NDFIP1: variants seen among roughly 807,000 people sequenced by gnomAD.
The protein encoded by NDFIP1 is Nedd4 family interacting protein 1.
In NDFIP1, 7 loss-of-function variants were observed where a neutral mutation model predicts 28.8. The ratio of observed to expected loss-of-function variants is 0.24; its 90% CI spans 0.14 to 0.46. The LOEUF is 0.46. Ranked by LOEUF, NDFIP1 falls within the 20% of genes least tolerant of loss-of-function variation. NDFIP1 has a pLI of 0.99. For missense variants in NDFIP1, 194 were observed against 269.1 expected, an observed-to-expected ratio of 0.72 and a Z score of 1.95; for synonymous variants, 92 against 101.0, an observed-to-expected ratio of 0.91 and a Z score of 0.53.
At chr5:142,145,886 A>C (rs2126923494) in intron 7 of NDFIP1, among the ~76,000 whole-genome samples, 1 of 152,284 alleles carries the variant, frequency 6.6e-6, no homozygotes, top group East Asian at 1.9e-4. Flanking sequence ...TTATATAGGC[A>C]ATCATATACT....
intron 4 of NDFIP1, among the ~76,000 whole-genome samples, chr5:142,136,088 G>A (rs760442164): frequency 3.9e-5 from 6 of 152,126 alleles, no homozygotes; most frequent in Admixed American, 6.5e-5. Flanking sequence ...TCATCTTCCA[G>A]GTCTACGGGG....
At chr5:142,150,233 T>C (rs186625727) in intron 7 of NDFIP1, among the ~76,000 whole-genome samples, 6 of 151,674 alleles carry the variant, frequency 4.0e-5, no homozygotes, top group Non-Finnish European at 7.4e-5. Context: ...ATTATTTATG[T>C]TTATAATGAG....
intron 1 of NDFIP1, among the ~76,000 whole-genome samples, chr5:142,129,369 G>A (rs564873607): frequency 6.6e-6 from 1 of 152,214 alleles, no homozygotes; most frequent in East Asian, 1.9e-4. Context: ...GGAGCATTTG[G>A]CTTTACTGCA....
intron 4 of NDFIP1, 53 bp from the exon 5 acceptor site, chr5:142,137,681 G>T (rs1757290213): frequency 2.5e-6 from 4 of 1,602,272 alleles, no homozygotes; most frequent in Non-Finnish European, 2.6e-6. Flanking sequence ...AGGCACTCTT[G>T]TTCTTGGGTA....
At chr5:142,110,068 C>T (rs1756997539) in intron 1 of NDFIP1, among the ~76,000 whole-genome samples, 1 of 150,344 alleles carries the variant, frequency 6.7e-6, no homozygotes, top group South Asian at 2.1e-4. Context: ...TAAGGAAAGC[C>T]AGCCAGTACG....
At chr5:142,109,835 C>G (rs2126907716) in intron 1 of NDFIP1, among the ~76,000 whole-genome samples, 1 of 152,214 alleles carries the variant, frequency 6.6e-6, no homozygotes, top group South Asian at 2.1e-4. Context: ...GCTAAGTTCC[C>G]CCAGGAAATT....
At chr5:142,130,951 G>T (rs1025640661) in intron 1 of NDFIP1, among the ~76,000 whole-genome samples, 3 of 151,456 alleles carry the variant, frequency 2.0e-5, no homozygotes, top group African/African-American at 7.3e-5. Flanking sequence ...TTTGAGTAAT[G>T]AAATTTAATT....
At chr5:142,135,667 A>G in intron 3 of NDFIP1, 63 bp from the exon 4 acceptor site, 1 of 1,431,860 alleles carries the variant, frequency 7.0e-7, no homozygotes, top group Non-Finnish European at 9.8e-7. Flanking sequence ...ACTCAAATTT[A>G]ACCCTTCATT....
chr5:142,152,705 T>C lies in NDFIP1; in HGVS notation c.*977T>C, dbSNP rs1402191830. On this transcript the variant is annotated 3_prime_UTR_variant, in exon 8 of 8. Transcript: ENST00000253814. Reference sequence around the variant, plus strand: ...AATGATGTGCTTTCTGCCCAAGTGGTAATTCATCTTGGTTTGCTATGTTAA... The same window carrying C: ...AATGATGTGCTTTCTGCCCAAGTGGCAATTCATCTTGGTTTGCTATGTTAA... 6.4e-6 allele frequency: 1 copy of C among 156,906 alleles called. No homozygotes were observed. The highest frequency in any genetic ancestry group is 1.4e-5 in the Non-Finnish European group (1 of 70,926). The allele number at this position is 156,906 out of a possible 1,614,324, so 9.7% of individuals were successfully genotyped here.
rs6862280 is a variant in NDFIP1, at chr5:142,108,913, A to T, written c.-62A>T. 1,114 of 1,338,540 alleles carry T rather than the reference A, an allele frequency of 8.3e-4. 7 individuals carry two copies. In the African/African-American group the frequency reaches 0.015, roughly 18 times the overall value. The allele number at this position is 1,338,540 out of a possible 1,614,324, so 82.9% of individuals were successfully genotyped here. A position where few individuals can be genotyped will look rare whatever the true frequency, so the allele number is the denominator to read the frequency against. On this transcript the variant is annotated 5_prime_UTR_variant, in exon 1 of 8. Transcript: ENST00000253814. ...CGGCCTCCCAGCGCTCCCAAGCCGCAGCGGCCGCGCCCCTTCAGCTAGCTC... is the reference window on the plus strand; with the variant it reads ...CGGCCTCCCAGCGCTCCCAAGCCGCTGCGGCCGCGCCCCTTCAGCTAGCTC...
chr5:142,116,405 G>A (rs1179626257), intron 1 of NDFIP1, among the ~76,000 whole-genome samples: 1 of 147,860 alleles, frequency 6.8e-6, no homozygotes, highest in Non-Finnish European at 1.5e-5. Flanking sequence ...GTCTTGCTCT[G>A]TTCCCCAGGC....
intron 1 of NDFIP1, among the ~76,000 whole-genome samples, chr5:142,112,064 CAAAA>C (rs898551253): frequency 4.0e-5 from 6 of 149,144 alleles, no homozygotes; most frequent in African/African-American, 1.5e-4. Context: ...GGGACTGTCT[CAAAA>C]AAAACCAAAA....
Position 142,108,801 on chromosome 5 carries a change from C to A in NDFIP1, c.-174C>A. The A allele has an allele frequency of 2.1e-6, 1 of 466,266 alleles. No individual in the cohort carries two copies. Among genetic ancestry groups the A allele is most frequent in the Non-Finnish European group, 3.6e-6 (1 of 281,534 alleles). The allele number at this position is 466,266 out of a possible 1,614,324, so 28.9% of individuals were successfully genotyped here. A position where few individuals can be genotyped will look rare whatever the true frequency, so the allele number is the denominator to read the frequency against. On this transcript the variant is annotated 5_prime_UTR_variant, in exon 1 of 8. Coordinates refer to ENST00000253814, the MANE Select transcript of NDFIP1 (RefSeq NM_030571.4). ...CCCAGGGGCCGCGTCGGAGCCTCGG[C>A]GGCGGCGGCGGTGCTTACAGCCTGA...
intron 1 of NDFIP1, among the ~76,000 whole-genome samples, chr5:142,120,968 C>A (rs561284792): frequency 1.1e-4 from 16 of 152,354 alleles, no homozygotes; most frequent in Non-Finnish European, 2.2e-4. Context: ...GTATGCTCTA[C>A]TCCAGGCTAA....
At chr5:142,134,569 A>G (rs958336383) in intron 3 of NDFIP1, among the ~76,000 whole-genome samples, 14 of 152,208 alleles carry the variant, frequency 9.2e-5, no homozygotes, top group Admixed American at 6.5e-5. Flanking sequence ...CACTGTTAAC[A>G]ATTTGGGTCT....
chr5:142,146,910 T>C (rs532908166), intron 7 of NDFIP1, among the ~76,000 whole-genome samples: 1 of 152,280 alleles, frequency 6.6e-6, no homozygotes, highest in Admixed American at 6.5e-5. Context: ...ATTCTAAATT[T>C]AAAACTATGT....
chr5:142,134,081 C>G (rs1757251432), intron 3 of NDFIP1: 1 of 152,172 alleles, frequency 6.6e-6, no homozygotes, highest in Non-Finnish European at 1.5e-5. Flanking sequence ...ATAGAAAGTC[C>G]TGACTACAAC....
intron 1 of NDFIP1, among the ~76,000 whole-genome samples, chr5:142,127,361 CATCA>C (rs1458291787): frequency 6.6e-6 from 1 of 152,080 alleles, no homozygotes; most frequent in Non-Finnish European, 1.5e-5. Context: ...AATTGAAGGT[CATCA>C]AGGCCAAAGG....
intron 1 of NDFIP1, among the ~76,000 whole-genome samples, chr5:142,122,354 A>G (rs529701522): frequency 1.3e-5 from 2 of 152,344 alleles, no homozygotes; most frequent in South Asian, 4.1e-4. Context: ...CAGTTTATTC[A>G]TGCACACTGC....
Sources: gnomAD v4.1 joint callset for allele counts (sites outside exome capture counted in the v4.1 genomes callset) on GRCh38, gnomAD v4.1.1 for gene constraint, MANE v1.5 for transcripts, NCBI Gene and HGNC (gene_info 2026-07-23, HGNC 2026-07-21) for gene names.